PCSK5: variants seen among roughly 807,000 people sequenced by gnomAD.
The protein encoded by PCSK5 is prohormone convertase 5.
A neutral mutation model predicts 233.2 loss-of-function variants in PCSK5; 129 were observed. The observed-to-expected ratio is 0.55, with a 90% CI of 0.48 to 0.64. The LOEUF (loss-of-function observed/expected upper bound fraction) is 0.64, where lower values mean the gene tolerates loss of function less well. Among genes scored for constraint, PCSK5 ranks in the 30% least tolerant of loss-of-function variants. The pLI is 0.00. For missense variants in PCSK5, 2,076 were observed against 2,430.1 expected (o/e 0.85, Z 3.06); for synonymous variants, 825 against 879.2 (o/e 0.94, Z 1.09).
intron 8 of PCSK5, among the ~76,000 whole-genome samples, chr9:76,102,184 T>A (rs1252292388): frequency 2.8e-5 from 4 of 143,918 alleles, no homozygotes; most frequent in Non-Finnish European, 5.9e-5. Context: ...GTAACTCAGC[T>A]TTTTTTTCTT....
At chr9:76,159,312 A>C in intron 12 of PCSK5, 141 bp downstream of exon 12, 1 of 682,098 alleles carries the variant, frequency 1.5e-6, no homozygotes, top group South Asian at 2.0e-5. Flanking sequence ...CTCACTGCTC[A>C]TAAGTAGAGA....
chr9:76,097,509 G>A (rs1457104327), intron 8 of PCSK5, among the ~76,000 whole-genome samples: 2 of 152,184 alleles, frequency 1.3e-5, no homozygotes, highest in African/African-American at 4.8e-5. Context: ...CACAGAAGCT[G>A]TATGGGATCT....
rs1823301309 is a variant in PCSK5, at chr9:76,143,223, C to T, written c.1312+9011C>T. Among the ~76,000 whole-genome samples the T allele has an allele frequency of 2.0e-5, 3 of 151,870 alleles. 1 individual carries two copies. In the South Asian group the frequency reaches 6.3e-4, roughly 32 times the overall value. On this transcript the variant is annotated intron_variant, in intron 10 of 37. Transcript: ENST00000674117. ...GGAAATTATAACTGGAGGAGACAGC[C>T]ATGGTGAAGGCAACAGGTCAGGGGA... is the stretch of plus-strand genomic sequence containing the variant.
chr9:75,951,769 A>T lies in PCSK5; in HGVS notation c.297+19286A>T, dbSNP rs1291560391. On this transcript the variant is annotated intron_variant, in intron 2 of 37. Coordinates refer to ENST00000674117, the MANE Select transcript of PCSK5 (RefSeq NM_001372043.1). Reference sequence around the variant, plus strand: ...TAATAAAATAAATAACAATAAAATTAAAAACAAAAATACAGTGTAACAACT... The same window carrying T: ...TAATAAAATAAATAACAATAAAATTTAAAACAAAAATACAGTGTAACAACT... Among the ~76,000 whole-genome samples the T allele has an allele frequency of 2.0e-5, 3 of 151,876 alleles. No homozygotes were observed. In the South Asian group the frequency reaches 6.2e-4, roughly 31 times the overall value.
At chr9:76,302,095 G>T in intron 27 of PCSK5, 42 bp from the exon 28 acceptor site, 2 of 833,152 alleles carry the variant, frequency 2.4e-6, no homozygotes, top group South Asian at 1.6e-5. Flanking sequence ...TATCCTTTTT[G>T]CATTAAAAAA....
At chr9:76,075,859 C>T (rs550953789) in intron 7 of PCSK5, among the ~76,000 whole-genome samples, 5 of 152,314 alleles carry the variant, frequency 3.3e-5, no homozygotes, top group African/African-American at 1.2e-4. Flanking sequence ...AGCGAGCTCC[C>T]ACTTTCTATA....
At chr9:76,250,836 T>C (rs1587804693) in intron 24 of PCSK5, among the ~76,000 whole-genome samples, 2 of 152,362 alleles carry the variant, frequency 1.3e-5, no homozygotes, top group Non-Finnish European at 2.9e-5. Flanking sequence ...CTGATAGAGC[T>C]ATTTGGGGTT....
intron 24 of PCSK5, among the ~76,000 whole-genome samples, chr9:76,256,939 G>A (rs1031475687): frequency 6.6e-6 from 1 of 152,170 alleles, no homozygotes; most frequent in African/African-American, 2.4e-5. Flanking sequence ...CCTCCTAATA[G>A]GTCCCTAGAG....
intron 28 of PCSK5, among the ~76,000 whole-genome samples, chr9:76,303,862 CT>C (rs1321172753): frequency 6.6e-6 from 1 of 152,194 alleles, no homozygotes; most frequent in Non-Finnish European, 1.5e-5. Context: ...CAATCATCAG[CT>C]TTAATTAGTG....
chr9:76,210,055 CA>C (rs1426235323), intron 20 of PCSK5, among the ~76,000 whole-genome samples: 1 of 152,026 alleles, frequency 6.6e-6, no homozygotes, highest in African/African-American at 2.4e-5. Flanking sequence ...TTGGAAACGC[CA>C]GAGCATGAGG....
intron 5 of PCSK5, among the ~76,000 whole-genome samples, chr9:76,054,924 A>G (rs1829766563): frequency 6.6e-6 from 1 of 152,164 alleles, no homozygotes; most frequent in African/African-American, 2.4e-5. Context: ...CTAGTTATTT[A>G]CATTTGATAT....
intron 7 of PCSK5, among the ~76,000 whole-genome samples, chr9:76,074,948 G>GGT (rs1485384413): frequency 1.8e-4 from 27 of 152,264 alleles, no homozygotes; most frequent in African/African-American, 6.5e-4. Context: ...GGCCGGGTGT[G>GGT]GTGGCTCATG....
intron 10 of PCSK5, among the ~76,000 whole-genome samples, chr9:76,153,618 A>G (rs1487686046): frequency 6.6e-6 from 1 of 152,214 alleles, no homozygotes; most frequent in Non-Finnish European, 1.5e-5. Context: ...TTTGCATGGT[A>G]TATTTGCTAT....
At chr9:75,946,255 G>A (rs1428480860) in intron 2 of PCSK5, among the ~76,000 whole-genome samples, 2 of 152,192 alleles carry the variant, frequency 1.3e-5, no homozygotes, top group South Asian at 2.1e-4. Context: ...CTCATTTTAA[G>A]TATAGACATT....
intron 34 of PCSK5, among the ~76,000 whole-genome samples, chr9:76,334,000 C>T (rs1163656352): frequency 1.3e-5 from 2 of 152,124 alleles, no homozygotes; most frequent in African/African-American, 4.8e-5. Context: ...AGGTTTAATT[C>T]GACTTACAGT....
At chr9:76,078,407 G>T (rs908176758) in intron 7 of PCSK5, among the ~76,000 whole-genome samples, 1 of 152,094 alleles carries the variant, frequency 6.6e-6, no homozygotes, top group African/African-American at 2.4e-5. Flanking sequence ...CTTATAGCTT[G>T]AGGTCTTACA....
chr9:76,272,147 T>TA (rs1204479385), intron 24 of PCSK5, among the ~76,000 whole-genome samples: 1 of 152,212 alleles, frequency 6.6e-6, no homozygotes, highest in African/African-American at 2.4e-5. Flanking sequence ...TACACATTCA[T>TA]AGGTAGGTAG....
intron 2 of PCSK5, among the ~76,000 whole-genome samples, chr9:75,955,533 A>T (rs1246512009): frequency 6.6e-6 from 1 of 152,176 alleles, no homozygotes; most frequent in Non-Finnish European, 1.5e-5. Flanking sequence ...GGATACTACC[A>T]CTACTACTAA....
chr9:76,002,104 ATT>A (rs1418920720), intron 3 of PCSK5, among the ~76,000 whole-genome samples: 2 of 152,204 alleles, frequency 1.3e-5, no homozygotes, highest in African/African-American at 4.8e-5. Flanking sequence ...CATTTATTGA[ATT>A]CCTCCTATGT....
Sources: allele counts gnomAD v4.1 joint callset (sites outside exome capture counted in the v4.1 genomes callset), GRCh38; gene constraint gnomAD v4.1.1; transcripts MANE v1.5; gene names NCBI Gene and HGNC (gene_info 2026-07-23, HGNC 2026-07-21).